The following TRAPPC9 variants were observed in gnomAD, a reference collection of about 807,000 sequenced individuals.
The protein encoded by TRAPPC9 is trafficking protein particle complex subunit 9.
A neutral mutation model predicts 124.0 loss-of-function variants in TRAPPC9; 83 were observed. That is an observed-to-expected ratio of 0.67 (90% CI 0.56 to 0.80). The LOEUF (loss-of-function observed/expected upper bound fraction) is 0.80. TRAPPC9 is among the 30% of genes least tolerant of loss of function. TRAPPC9 has a pLI of 0.00. For synonymous variants in TRAPPC9, 638 were observed against 617.5 expected (o/e 1.03, Z -0.49); for missense variants, 1,302 against 1,508.3 (o/e 0.86, Z 2.27).
Position 139,837,230 on chromosome 8 carries a change from C to T in TRAPPC9, c.3055+48649G>A, listed in dbSNP as rs551170333. On this transcript the variant is annotated intron_variant, in intron 21 of 22. Coordinates refer to ENST00000438773, the MANE Select transcript of TRAPPC9 (RefSeq NM_001160372.4). The stretch of plus-strand genomic sequence containing the variant: ...ACACATGCAAGAGCCCTCCTGCTGC[C>T]GCTGTTCACGCCAGCTGGGGGACGT... Among the ~76,000 whole-genome samples the T allele has an allele frequency of 2.2e-4, 33 of 152,294 alleles. No homozygotes were observed. The East Asian group carries it at 6.0e-3, about 28-fold the overall frequency.
At chr8:140,263,278 C>A (rs926687112) in intron 15 of TRAPPC9, among the ~76,000 whole-genome samples, 1 of 152,168 alleles carries the variant, frequency 6.6e-6, no homozygotes, top group Admixed American at 6.5e-5. Flanking sequence ...ACACCTTGCA[C>A]CTGTTTACCA....
intron 19 of TRAPPC9, among the ~76,000 whole-genome samples, chr8:139,976,856 C>T (rs539657386): frequency 7.9e-5 from 12 of 152,216 alleles, no homozygotes; most frequent in Non-Finnish European, 1.6e-4. Flanking sequence ...TTCACCTCTG[C>T]TCCTCTGAGA....
At chr8:139,802,976 T>C (rs1323368297) in intron 21 of TRAPPC9, among the ~76,000 whole-genome samples, 1 of 151,840 alleles carries the variant, frequency 6.6e-6, no homozygotes, top group East Asian at 1.9e-4. Context: ...TGTGAGTGCA[T>C]TGTGTGCGTG....
chr8:139,825,021 C>G lies in TRAPPC9; in HGVS notation c.3055+60858G>C, dbSNP rs1461844774. Among the ~76,000 whole-genome samples, 3 of 152,134 alleles carry G rather than the reference C, an allele frequency of 2.0e-5. No homozygotes were observed. The highest frequency in any genetic ancestry group is 4.4e-5 in the Non-Finnish European group (3 of 68,026). On this transcript the variant is annotated intron_variant, in intron 21 of 22. Coordinates refer to ENST00000438773, the MANE Select transcript of TRAPPC9 (RefSeq NM_001160372.4). This position sits in a 1 kb window ranked among gnomAD's most constrained non-coding sequence, Gnocchi z 4.6. Reference sequence around the variant, plus strand: ...GACGTGACCAGGGAAGCCCTTCTTCCCCCTCACAGAGCGCCAAAAGGACCT... The same window carrying G: ...GACGTGACCAGGGAAGCCCTTCTTCGCCCTCACAGAGCGCCAAAAGGACCT...
Position 139,865,059 on chromosome 8 carries a change from A to G in TRAPPC9, c.3055+20820T>C, listed in dbSNP as rs572051090. ...TAGCACCGGTTCAAGCCAGCGGTCTACATTCTCTTGATTTTGCTGTGATTA... is the reference window on the plus strand; with the variant it reads ...TAGCACCGGTTCAAGCCAGCGGTCTGCATTCTCTTGATTTTGCTGTGATTA... On this transcript the variant is annotated intron_variant, in intron 21 of 22. Coordinates refer to ENST00000438773, the MANE Select transcript of TRAPPC9 (RefSeq NM_001160372.4). Among the ~76,000 whole-genome samples, 5 of 152,344 alleles carry G rather than the reference A, an allele frequency of 3.3e-5. No individual in the cohort carries two copies. In the East Asian group the frequency reaches 9.6e-4, roughly 29 times the overall value.
At chr8:139,778,369 C>G (rs1278613300) in intron 21 of TRAPPC9, among the ~76,000 whole-genome samples, 1 of 152,152 alleles carries the variant, frequency 6.6e-6, no homozygotes, top group Non-Finnish European at 1.5e-5. Context: ...TTATAGCCAG[C>G]ACCCAACAAG....
intron 5 of TRAPPC9, among the ~76,000 whole-genome samples, chr8:140,411,128 T>A (rs550615471): frequency 6.6e-6 from 1 of 152,070 alleles, no homozygotes; most frequent in African/African-American, 2.4e-5. Context: ...ACTCTAACTC[T>A]AGGTACGGGT....
At chr8:139,973,614 A>T (rs1436124753) in intron 19 of TRAPPC9, among the ~76,000 whole-genome samples, 1 of 152,224 alleles carries the variant, frequency 6.6e-6, no homozygotes, top group Non-Finnish European at 1.5e-5. Context: ...AAATTGGAAA[A>T]CGACGAATGA....
rs1415316854 is a variant in TRAPPC9 at position 140,052,305 on chromosome 8, A to T, written c.2557-28226T>A. On this transcript the variant is annotated intron_variant, in intron 17 of 22. Coordinates refer to ENST00000438773, the MANE Select transcript of TRAPPC9 (RefSeq NM_001160372.4). ...GTAAATGCAAGGAAACCTTCTCTTT[A>T]AAAGTAAGTCTGGAATAATTTCAGC... Among the ~76,000 whole-genome samples, 4 of 152,232 alleles carry T rather than the reference A, an allele frequency of 2.6e-5. No individual in the cohort carries two copies. The East Asian group carries it at 7.7e-4, about 29-fold the overall frequency.
chr8:140,081,977 A>ACT (rs1439990336), intron 17 of TRAPPC9: 1 of 152,148 alleles, frequency 6.6e-6, no homozygotes, highest in Non-Finnish European at 1.5e-5. Flanking sequence ...GACCACGCAC[A>ACT]CTCTTACTCA....
At chr8:140,090,822 T>C (rs1844520343) in intron 17 of TRAPPC9, among the ~76,000 whole-genome samples, 1 of 152,226 alleles carries the variant, frequency 6.6e-6, no homozygotes, top group South Asian at 2.1e-4. Flanking sequence ...CATGCAGCTG[T>C]TCATTGACAG....
intron 17 of TRAPPC9, among the ~76,000 whole-genome samples, chr8:140,035,057 G>A (rs879734632): frequency 2.0e-5 from 3 of 152,266 alleles, no homozygotes; most frequent in Non-Finnish European, 4.4e-5. Flanking sequence ...TACACAGCTG[G>A]AGGAGGGTAA....
At chr8:140,266,712 T>G (rs953226543) in intron 15 of TRAPPC9, among the ~76,000 whole-genome samples, 1 of 151,376 alleles carries the variant, frequency 6.6e-6, no homozygotes, top group Non-Finnish European at 1.5e-5. Context: ...ACAAAAACAT[T>G]AGCCGGGCGT....
At chr8:140,371,465 C>CAAAAG (rs563315340) in intron 7 of TRAPPC9, among the ~76,000 whole-genome samples, 1 of 152,116 alleles carries the variant, frequency 6.6e-6, no homozygotes. Flanking sequence ...AGTTCCTTCA[C>CAAAAG]AAAAGAAAAG....
intron 6 of TRAPPC9, among the ~76,000 whole-genome samples, chr8:140,404,570 G>A (rs952776421): frequency 2.6e-5 from 4 of 152,164 alleles, no homozygotes; most frequent in African/African-American, 9.7e-5. Flanking sequence ...CAGGTCCGGA[G>A]GCGAGAGTAC....
chr8:140,062,342 C>T (rs1005723368), intron 17 of TRAPPC9, among the ~76,000 whole-genome samples: 3 of 152,190 alleles, frequency 2.0e-5, no homozygotes, highest in African/African-American at 7.2e-5. Flanking sequence ...ACGGAATAAA[C>T]CCACGCTACT....
intron 21 of TRAPPC9, among the ~76,000 whole-genome samples, chr8:139,845,027 G>C (rs892420674): frequency 2.6e-5 from 4 of 152,114 alleles, no homozygotes; most frequent in Admixed American, 2.6e-4. Context: ...CCCCTCTCCA[G>C]CCCTGCCCGG....
chr8:140,015,536 T>G (rs932546802), intron 18 of TRAPPC9, among the ~76,000 whole-genome samples: 2 of 152,012 alleles, frequency 1.3e-5, no homozygotes, highest in African/African-American at 4.8e-5. Context: ...AAGATAGAAT[T>G]TAGCACTTTG....
intron 17 of TRAPPC9, among the ~76,000 whole-genome samples, chr8:140,108,451 G>A (rs546863212): frequency 2.0e-5 from 3 of 152,336 alleles, no homozygotes; most frequent in South Asian, 2.1e-4. Context: ...CTGACACAGA[G>A]AAGGCGTTTA....
Sources: allele counts gnomAD v4.1 joint callset (sites outside exome capture counted in the v4.1 genomes callset), GRCh38; gene constraint gnomAD v4.1.1; non-coding constraint Gnocchi (gnomAD v3.1); transcripts MANE v1.5; gene names NCBI Gene and HGNC (gene_info 2026-07-23, HGNC 2026-07-21).